The following PTPRN2 variants were observed in gnomAD, a reference collection of about 807,000 sequenced individuals.
The protein encoded by PTPRN2 is protein tyrosine phosphatase receptor type N2.
PTPRN2 carries 74 observed loss-of-function variants against 118.8 expected under a neutral mutation model. The observed-to-expected ratio is 0.62, with a 90% CI of 0.52 to 0.76. PTPRN2 has a LOEUF of 0.76. PTPRN2 is among the 30% of genes least tolerant of loss of function. The pLI, the probability that PTPRN2 is intolerant of heterozygous loss-of-function variation, is 0.00. For missense variants in PTPRN2, 1,481 were observed against 1,394.4 expected (o/e 1.06, Z -0.99); for synonymous variants, 641 against 608.0 (o/e 1.05, Z -0.80).
At chr7:158,534,017 G>A (rs533311088) in intron 1 of PTPRN2, among the ~76,000 whole-genome samples, 15 of 151,900 alleles carry the variant, frequency 9.9e-5, no homozygotes, top group African/African-American at 3.1e-4. Flanking sequence ...CCCACCCCCC[G>A]GGCTCCATCA....
chr7:158,116,842 G>C (rs1816767220), intron 9 of PTPRN2, among the ~76,000 whole-genome samples: 1 of 152,194 alleles, frequency 6.6e-6, no homozygotes, highest in African/African-American at 2.4e-5. Context: ...CACCACACAT[G>C]CTCAGGGAAA....
chr7:158,201,662 A>C (rs1826657555), intron 4 of PTPRN2, among the ~76,000 whole-genome samples: 1 of 152,176 alleles, frequency 6.6e-6, no homozygotes, highest in African/African-American at 2.4e-5. Flanking sequence ...AAGTCTGCTA[A>C]CTGAGAGCTT....
chr7:158,050,851 G>A (rs1363810846), intron 11 of PTPRN2, among the ~76,000 whole-genome samples: 1 of 152,220 alleles, frequency 6.6e-6, no homozygotes, highest in Non-Finnish European at 1.5e-5. Flanking sequence ...TGAAAGCTCA[G>A]AGGCCTCAGC....
At chr7:158,050,446 G>A (rs896032309) in intron 11 of PTPRN2, among the ~76,000 whole-genome samples, 1 of 152,202 alleles carries the variant, frequency 6.6e-6, no homozygotes, top group Non-Finnish European at 1.5e-5. Flanking sequence ...CCCATCTGCA[G>A]AGCCTCAAGC....
chr7:158,258,704 C>A (rs1274610964), intron 3 of PTPRN2, among the ~76,000 whole-genome samples: 1 of 152,224 alleles, frequency 6.6e-6, no homozygotes, highest in Non-Finnish European at 1.5e-5. Flanking sequence ...CAGCAACCAC[C>A]AGCCGTTGGC....
chr7:158,196,956 G>C (rs546382606), intron 4 of PTPRN2, among the ~76,000 whole-genome samples: 1 of 152,268 alleles, frequency 6.6e-6, no homozygotes, highest in South Asian at 2.1e-4. Context: ...AACAGCCCAG[G>C]CTCCCTAGGC....
At chr7:158,550,584 C>T (rs972141852) in intron 1 of PTPRN2, among the ~76,000 whole-genome samples, 1 of 152,226 alleles carries the variant, frequency 6.6e-6, no homozygotes, top group Admixed American at 6.5e-5. Flanking sequence ...CGAGGCTCCC[C>T]GGGACTCAGC....
intron 11 of PTPRN2, among the ~76,000 whole-genome samples, chr7:157,969,128 T>TG (rs2128815598): frequency 6.6e-6 from 1 of 151,880 alleles, no homozygotes; most frequent in East Asian, 1.9e-4. Flanking sequence ...TGTTTCCTTT[T>TG]TTTTTTCATC....
At chr7:158,559,578 G>A (rs537320793) in intron 1 of PTPRN2, among the ~76,000 whole-genome samples, 32 of 152,328 alleles carry the variant, frequency 2.1e-4, no homozygotes, top group African/African-American at 7.7e-4. Flanking sequence ...TTTCTGAGAT[G>A]TGACCACAGG....
chr7:157,714,719 G>A (rs533663287), intron 12 of PTPRN2, among the ~76,000 whole-genome samples: 6 of 152,298 alleles, frequency 3.9e-5, no homozygotes, highest in East Asian at 1.9e-4. Context: ...CTCCTGAGCC[G>A]ATTTTGGGTT....
intron 4 of PTPRN2, among the ~76,000 whole-genome samples, chr7:158,201,268 C>A: frequency 6.6e-6 from 1 of 152,136 alleles, no homozygotes; most frequent in Middle Eastern, 3.4e-3. Context: ...TTTTAAAAAC[C>A]ATAATAGTGA....
chr7:157,551,576 TCACACACCCCACAGCCAC>T (rs1275297262), intron 21 of PTPRN2, among the ~76,000 whole-genome samples: 1 of 26,328 alleles, frequency 3.8e-5, no homozygotes, highest in African/African-American at 1.5e-4. Context: ...CCCACAGCCA[TCACACACCCCACAGCCAC>T]CACACAACCC....
intron 11 of PTPRN2, among the ~76,000 whole-genome samples, chr7:157,984,894 G>A (rs1323982928): frequency 2.6e-5 from 4 of 152,118 alleles, no homozygotes; most frequent in Admixed American, 2.0e-4. Context: ...CCTCACTGTC[G>A]GCCTCAGGCC....
In PTPRN2 at chr7:158,008,818, G is replaced by A. The variant is rs990706893; in HGVS notation, c.1723+72480C>T. On this transcript the variant is annotated intron_variant, in intron 11 of 22. Transcript: ENST00000389418. ...CACGCACGTGTCTGTCTTTCTCATG[G>A]TCTAGTCATTGTAAGTTTGTTTTTT... Among the ~76,000 whole-genome samples the A allele has an allele frequency of 8.5e-5, 13 of 152,184 alleles. 1 individual carries two copies. Among genetic ancestry groups the A allele is most frequent in the African/African-American group, 2.9e-4 (12 of 41,440 alleles).
Position 158,374,091 on chromosome 7 carries a change from G to A in PTPRN2, c.164-57159C>T, listed in dbSNP as rs1003656402. Among the ~76,000 whole-genome samples the A allele has an allele frequency of 6.6e-5, 10 of 152,204 alleles. No homozygotes were observed. In the East Asian group the frequency reaches 1.7e-3, roughly 26 times the overall value. On this transcript the variant is annotated intron_variant, in intron 2 of 22. Transcript: ENST00000389418. ...CAGGGCTCAGGCAGCGGGCCCTTCTGACCCTCGCAGTGGCCCTTCTGACCC... is the reference window on the plus strand; with the variant it reads ...CAGGGCTCAGGCAGCGGGCCCTTCTAACCCTCGCAGTGGCCCTTCTGACCC...
At chr7:157,958,656 T>A (rs139246988) in intron 11 of PTPRN2, among the ~76,000 whole-genome samples, 2,358 of 152,310 alleles carry the variant, frequency 0.015, 58 homozygotes, top group African/African-American at 0.054. Context: ...CAATTCCATG[T>A]ACAATAGCAT....
chr7:158,152,799 T>G lies in PTPRN2; in HGVS notation c.910+14132A>C, dbSNP rs537452621. Among the ~76,000 whole-genome samples, 9 of 150,888 alleles carry G rather than the reference T, an allele frequency of 6.0e-5. No individual in the cohort carries two copies. The East Asian group carries it at 7.8e-4, about 13-fold the overall frequency. ...AAGAGCAGACCAACAGACACCAGCA[T>G]GCCAGCAGGCCACCGACTGGTGGGA... On this transcript the variant is annotated intron_variant, in intron 6 of 22. Transcript: ENST00000389418.
intron 3 of PTPRN2, among the ~76,000 whole-genome samples, chr7:158,267,309 C>T (rs1469577887): frequency 3.5e-5 from 5 of 141,752 alleles, no homozygotes; most frequent in Non-Finnish European, 8.0e-5. Context: ...AGCTGGTTCC[C>T]GCGGGGAACC....
At chr7:158,430,335 C>T (rs549022438) in intron 2 of PTPRN2, among the ~76,000 whole-genome samples, 1 of 152,244 alleles carries the variant, frequency 6.6e-6, no homozygotes, top group South Asian at 2.1e-4. Flanking sequence ...GAGCAGCCTG[C>T]TGGCGCTCAC....
Sources: allele counts gnomAD v4.1 joint callset (sites outside exome capture counted in the v4.1 genomes callset), GRCh38; gene constraint gnomAD v4.1.1; transcripts MANE v1.5; gene names NCBI Gene and HGNC (gene_info 2026-07-23, HGNC 2026-07-21).